SOX5: variants seen among roughly 807,000 people sequenced by gnomAD.
SOX5 encodes SRY-box transcription factor 5, also known as transcription factor SOX-5.
SOX5 carries 9 observed loss-of-function variants against 92.0 expected under a neutral mutation model. That is an observed-to-expected ratio of 0.10 (90% CI 0.06 to 0.17). SOX5 has a LOEUF of 0.17. SOX5 is among the 10% of genes least tolerant of loss of function. The pLI is 1.00. For synonymous variants in SOX5, 344 were observed against 336.3 expected (o/e 1.02, Z -0.25); for missense variants, 642 against 944.5 (o/e 0.68, Z 4.20).
intron 7 of SOX5, among the ~76,000 whole-genome samples, chr12:23,651,134 T>C (rs2081507104): frequency 6.6e-6 from 1 of 152,122 alleles, no homozygotes; most frequent in African/African-American, 2.4e-5. Context: ...AATAATTACT[T>C]GTTCTCCCAC....
At chr12:24,152,782 T>G (rs1435604646) in intron 4 of SOX5, among the ~76,000 whole-genome samples, 1 of 152,092 alleles carries the variant, frequency 6.6e-6, no homozygotes. Context: ...TGATAAGACT[T>G]TGTTATAAAA....
At chr12:23,784,750 G>A (rs1260178710) in intron 3 of SOX5, among the ~76,000 whole-genome samples, 1 of 152,178 alleles carries the variant, frequency 6.6e-6, no homozygotes, top group Non-Finnish European at 1.5e-5. Flanking sequence ...CAGTTTTGAA[G>A]AAGCATTGCA....
intron 11 of SOX5, among the ~76,000 whole-genome samples, chr12:23,559,946 T>C (rs1227574661): frequency 6.6e-6 from 1 of 152,164 alleles, no homozygotes; most frequent in Non-Finnish European, 1.5e-5. Context: ...AGTCTTGCCC[T>C]GTCGCCCAGG....
chr12:24,179,846 G>A (rs1018226562), intron 4 of SOX5, among the ~76,000 whole-genome samples: 30 of 151,798 alleles, frequency 2.0e-4, no homozygotes, highest in African/African-American at 6.8e-4. Flanking sequence ...CCCATTGTAA[G>A]TTGAGGAGCA....
chr12:23,931,622 T>C (rs1341420094), intron 1 of SOX5, among the ~76,000 whole-genome samples: 2 of 151,764 alleles, frequency 1.3e-5, no homozygotes, highest in Non-Finnish European at 3.0e-5. Context: ...GAATAGCCTG[T>C]ACTTGCTTCT....
At chr12:23,620,153 A>G (rs1044491911) in intron 8 of SOX5, among the ~76,000 whole-genome samples, 1 of 152,134 alleles carries the variant, frequency 6.6e-6, no homozygotes, top group Non-Finnish European at 1.5e-5. Flanking sequence ...AATTACATAC[A>G]TACAGGAGGA....
At chr12:23,617,713 A>G (rs1336242714) in intron 8 of SOX5, among the ~76,000 whole-genome samples, 1 of 152,210 alleles carries the variant, frequency 6.6e-6, no homozygotes, top group East Asian at 1.9e-4. Context: ...GCCTATAAAT[A>G]AGAAACACTT....
intron 3 of SOX5, among the ~76,000 whole-genome samples, chr12:24,225,576 AGCACAT>A (rs1399130970): frequency 6.6e-6 from 1 of 152,158 alleles, no homozygotes; most frequent in Non-Finnish European, 1.5e-5. Flanking sequence ...TAACACCAAA[AGCACAT>A]GCTACACACT....
intron 4 of SOX5, among the ~76,000 whole-genome samples, chr12:23,983,108 T>A (rs896085284): frequency 2.7e-5 from 4 of 149,380 alleles, no homozygotes; most frequent in Non-Finnish European, 4.5e-5. Flanking sequence ...GGAGTCCATT[T>A]TTTTTTTTTT....
chr12:23,557,318 G>A (rs1401163656), intron 11 of SOX5, among the ~76,000 whole-genome samples: 1 of 152,110 alleles, frequency 6.6e-6, no homozygotes, highest in Non-Finnish European at 1.5e-5. Context: ...TTATTTGACA[G>A]AAAATTACAA....
At chr12:23,628,883 C>A (rs2078177455) in intron 8 of SOX5, among the ~76,000 whole-genome samples, 1 of 151,718 alleles carries the variant, frequency 6.6e-6, no homozygotes, top group South Asian at 2.1e-4. Context: ...GCCAACCAAA[C>A]CCAGCTCGAA....
chr12:24,059,391 G>A (rs765325688), intron 4 of SOX5, among the ~76,000 whole-genome samples: 7 of 147,592 alleles, frequency 4.7e-5, no homozygotes, highest in African/African-American at 1.2e-4. Context: ...CACACTTGGC[G>A]CTTGAGTATT....
chr12:24,116,973 CAAAA>C (rs3031105), intron 4 of SOX5, among the ~76,000 whole-genome samples: 1 of 126,856 alleles, frequency 7.9e-6, no homozygotes, highest in African/African-American at 2.9e-5. Flanking sequence ...TCTAAAAATG[CAAAA>C]AAAAAAAAAA....
At chr12:24,331,848 CAAAAAAAAAAAAAAA>C (rs10627494) in intron 2 of SOX5, among the ~76,000 whole-genome samples, 1 of 31,658 alleles carries the variant, frequency 3.2e-5, no homozygotes, top group African/African-American at 1.5e-4. Context: ...AAGACTGTCT[CAAAAAAAAAAAAAAA>C]AAAAAAAAAA....
At chr12:24,284,457 T>C (rs75156077) in intron 2 of SOX5, among the ~76,000 whole-genome samples, 7,428 of 147,574 alleles carry the variant, frequency 0.05, 595 homozygotes, top group African/African-American at 0.17. Flanking sequence ...TGTGTGTGCG[T>C]GTCTTTCATT....
At chr12:23,900,650 A>G (rs895337529) in intron 1 of SOX5, among the ~76,000 whole-genome samples, 31 of 152,156 alleles carry the variant, frequency 2.0e-4, no homozygotes, top group African/African-American at 7.2e-4. Flanking sequence ...TACACAGTCA[A>G]TGTTGCAAAT....
At chr12:23,838,853 G>GGC in intron 3 of SOX5, among the ~76,000 whole-genome samples, 1 of 96,366 alleles carries the variant, frequency 1.0e-5, no homozygotes, top group Middle Eastern at 5.3e-3. Context: ...TGGGGGGGGG[G>GGC]GGCGGGGATG....
intron 1 of SOX5, among the ~76,000 whole-genome samples, chr12:24,434,563 A>C (rs535092840): frequency 1.3e-5 from 2 of 152,230 alleles, no homozygotes; most frequent in African/African-American, 4.8e-5. Context: ...TGTTTTCCCT[A>C]GGGCTGGAGG....
chr12:24,247,458 G>A (rs1446294224), intron 3 of SOX5, among the ~76,000 whole-genome samples: 1 of 151,974 alleles, frequency 6.6e-6, no homozygotes, highest in Non-Finnish European at 1.5e-5. Context: ...TTGAGTTTAT[G>A]CTAAGGCCCA....
Sources: gnomAD v4.1 joint callset for allele counts (sites outside exome capture counted in the v4.1 genomes callset) on GRCh38, gnomAD v4.1.1 for gene constraint, MANE v1.5 for transcripts, NCBI Gene and HGNC (gene_info 2026-07-23, HGNC 2026-07-21) for gene names.